The following DPY19L2 variants were observed in gnomAD, a reference collection of about 807,000 sequenced individuals.
The protein encoded by DPY19L2 is dpy-19 like 2, also known as probable C-mannosyltransferase DPY19L2.
A neutral mutation model predicts 97.9 loss-of-function variants in DPY19L2; 34 were observed. The ratio of observed to expected loss-of-function variants is 0.35; its 90% confidence interval spans 0.26 to 0.46. DPY19L2 has a LOEUF of 0.46. Among genes scored for constraint, DPY19L2 ranks in the 20% least tolerant of loss-of-function variants. The pLI is 1.00. For missense variants in DPY19L2, 623 were observed against 911.4 expected (o/e 0.68, Z 4.07); for synonymous variants, 230 against 307.9 (o/e 0.75, Z 2.65).
intron 12 of DPY19L2, among the ~76,000 whole-genome samples, chr12:63,602,951 A>C (rs1885417371): frequency 6.6e-6 from 1 of 152,196 alleles, no homozygotes; most frequent in Admixed American, 6.5e-5. Flanking sequence ...TAAAACTTAC[A>C]ACAAAGGTTT....
At chr12:63,575,328 A>C (rs1330565866) in intron 19 of DPY19L2, among the ~76,000 whole-genome samples, 1 of 151,998 alleles carries the variant, frequency 6.6e-6, no homozygotes, top group Non-Finnish European at 1.5e-5. Context: ...CAGTATTAAG[A>C]GGGAAGTCTA....
At position 63,580,763 on chromosome 12, in the gene DPY19L2, T is replaced by C. The variant is rs1880728800; in HGVS notation, c.1799A>G (p.Gln600Arg). 1 of 1,613,648 alleles carries C rather than the reference T, an allele frequency of 6.2e-7. No homozygotes were observed. Among genetic ancestry groups the C allele is most frequent in the Non-Finnish European group, 8.5e-7 (1 of 1,179,688 alleles). ...TTGATTACGGAGGTTTGCATAACCTTGTATTGACATCACTGTTAAAATGCC... is the reference window on the plus strand; with the variant it reads ...TTGATTACGGAGGTTTGCATAACCTCGTATTGACATCACTGTTAAAATGCC... ...IFGILTVMSI[Q>R]GYANLRNQWS... Residue 600 changes from glutamine (Q) to arginine (R), a missense_variant, in exon 19 of 22, where the codon CAA becomes CGA. Coordinates refer to ENST00000324472, the MANE Select transcript of DPY19L2 (RefSeq NM_173812.5).
At chr12:63,639,985 A>G (rs1218420316) in intron 6 of DPY19L2, among the ~76,000 whole-genome samples, 1 of 152,216 alleles carries the variant, frequency 6.6e-6, no homozygotes, top group Non-Finnish European at 1.5e-5. Context: ...GATTAAGAAA[A>G]TGTGGCACAT....
chr12:63,598,528 G>A (rs1348656456), intron 13 of DPY19L2, among the ~76,000 whole-genome samples: 5 of 152,032 alleles, frequency 3.3e-5, no homozygotes, highest in Admixed American at 1.3e-4. Flanking sequence ...TTTTTCTACT[G>A]ATTATATACA....
chr12:63,599,839 T>G (rs1884847446), intron 13 of DPY19L2, among the ~76,000 whole-genome samples: 1 of 152,098 alleles, frequency 6.6e-6, no homozygotes, highest in Non-Finnish European at 1.5e-5. Context: ...TTTTTAACAT[T>G]CTCTTTTTAT....
At chr12:63,564,236 T>G (rs1592361131) in intron 21 of DPY19L2, among the ~76,000 whole-genome samples, 1 of 152,144 alleles carries the variant, frequency 6.6e-6, no homozygotes, top group African/African-American at 2.4e-5. Context: ...ACACACTGAT[T>G]TTGATTCTAA....
chr12:63,640,111 A>G (rs974627629), intron 6 of DPY19L2, among the ~76,000 whole-genome samples: 4 of 152,176 alleles, frequency 2.6e-5, no homozygotes, highest in Admixed American at 1.3e-4. Flanking sequence ...ACAGAAAACC[A>G]AACACCACAT....
chr12:63,597,764 C>G, intron 14 of DPY19L2, 45 bp downstream of exon 14: 1 of 1,540,718 alleles, frequency 6.5e-7, no homozygotes, highest in Non-Finnish European at 8.8e-7. Flanking sequence ...AAACCTAGAG[C>G]AAAAAACTCA....
rs1039770022 is a variant in DPY19L2 at position 63,633,707 on chromosome 12, T to C, written c.804-7181A>G. On this transcript the variant is annotated intron_variant, in intron 6 of 21. Coordinates refer to ENST00000324472, the MANE Select transcript of DPY19L2 (RefSeq NM_173812.5). ...AATACCGTTTGACCCAGCCATCCCA[T>C]TACTGGGTATATACCCAAAGGATTA... Among the ~76,000 whole-genome samples the C allele has an allele frequency of 1.6e-4, 25 of 152,266 alleles. No homozygotes were observed. In the East Asian group the frequency reaches 4.8e-3, roughly 29 times the overall value.
chr12:63,587,868 G>A (rs1882093358), intron 16 of DPY19L2, among the ~76,000 whole-genome samples: 1 of 152,004 alleles, frequency 6.6e-6, no homozygotes, highest in Non-Finnish European at 1.5e-5. Flanking sequence ...ACCGAACCCG[G>A]CCTAAAACTA....
chr12:63,576,781 T>C lies in DPY19L2; in HGVS notation c.1900+3881A>G, dbSNP rs190538626. On this transcript the variant is annotated intron_variant, in intron 19 of 21. Coordinates refer to ENST00000324472, the MANE Select transcript of DPY19L2 (RefSeq NM_173812.5). ...AGCTATACAAAACTGGAGAAAGAAA[T>C]TGAAGAAGATACAAAAAATGGAAAG... 1.2e-3 allele frequency among the ~76,000 whole-genome samples: 183 copies of C among 151,820 alleles called. 6 individuals carry two copies. The highest frequency in any genetic ancestry group is 0.011 in the Admixed American group (171 of 15,230).
Position 63,570,800 on chromosome 12 carries a change from T to C in DPY19L2, c.1958A>G (p.His653Arg). 6.2e-7 allele frequency: 1 copy of C among 1,611,756 alleles called. No homozygotes were observed. The highest frequency in any genetic ancestry group is 8.5e-7 in the Non-Finnish European group (1 of 1,179,340). ...GTAATGTGGATGATTCACAATGGGA[T>C]GAAGTGTAGACAGCTTGATGCTTGC... ...TMASIKLSTL[H>R]PIVNHPHYED... Residue 653 changes from histidine (H) to arginine (R), a missense_variant, in exon 20 of 22, where the codon CAT becomes CGT. Transcript: ENST00000324472.
intron 6 of DPY19L2, among the ~76,000 whole-genome samples, chr12:63,643,530 C>T (rs1175937734): frequency 1.3e-5 from 2 of 152,046 alleles, no homozygotes; most frequent in South Asian, 2.1e-4. Flanking sequence ...GCTAGGAATG[C>T]GCTCCACTGA....
chr12:63,641,038 G>A (rs1275222331), intron 6 of DPY19L2, among the ~76,000 whole-genome samples: 29 of 151,808 alleles, frequency 1.9e-4, no homozygotes, highest in African/African-American at 5.3e-4. Flanking sequence ...GACTACAGGC[G>A]CCCGCCACCA....
At chr12:63,647,837 TACC>T (rs1893636254) in intron 4 of DPY19L2, among the ~76,000 whole-genome samples, 1 of 152,202 alleles carries the variant, frequency 6.6e-6, no homozygotes, top group South Asian at 2.1e-4. Context: ...TTTAGAAATG[TACC>T]ATAACTTATA....
At chr12:63,630,301 T>G (rs1167239011) in intron 6 of DPY19L2, among the ~76,000 whole-genome samples, 5 of 152,090 alleles carry the variant, frequency 3.3e-5, no homozygotes, top group East Asian at 1.9e-4. Context: ...GACCCATCAG[T>G]GTGCTGTATT....
At position 63,570,876 on chromosome 12, in the gene DPY19L2, T is replaced by C. The variant is rs1878709975; in HGVS notation, c.1901-19A>G. ...ACAGCATCTGAAAAAAAAAAAAGGA[T>C]ATATTCTTCAATTAAATGTTTTAAA... is the stretch of plus-strand genomic sequence containing the variant. On this transcript the variant is annotated intron_variant, in intron 19 of 21. Transcript: ENST00000324472. 1 of 1,573,726 alleles carries C rather than the reference T, an allele frequency of 6.4e-7. No individual in the cohort carries two copies. Among genetic ancestry groups the C allele is most frequent in the African/African-American group, 1.4e-5 (1 of 71,542 alleles).
intron 3 of DPY19L2, among the ~76,000 whole-genome samples, chr12:63,663,181 T>C (rs1413953703): frequency 3.3e-5 from 5 of 152,200 alleles, no homozygotes; most frequent in Non-Finnish European, 7.3e-5. Flanking sequence ...ATCTGGAAGA[T>C]GGACGGTTGT....
intron 6 of DPY19L2, among the ~76,000 whole-genome samples, chr12:63,635,450 A>C (rs1033799557): frequency 1.3e-5 from 2 of 152,160 alleles, no homozygotes; most frequent in African/African-American, 4.8e-5. Flanking sequence ...TGACAAGTTG[A>C]GAGAAGGTTT....
Sources: gnomAD v4.1 joint callset for allele counts (sites outside exome capture counted in the v4.1 genomes callset) on GRCh38, gnomAD v4.1.1 for gene constraint, MANE v1.5 for transcripts, NCBI Gene and HGNC (gene_info 2026-07-23, HGNC 2026-07-21) for gene names.